PAK5: variants seen among roughly 807,000 people sequenced by gnomAD.
The protein encoded by PAK5 is serine/threonine-protein kinase PAK 5.
Under a neutral mutation model 65.9 loss-of-function variants are expected in PAK5, and 16 were observed. That is an observed-to-expected ratio of 0.24 (90% CI 0.16 to 0.37). The LOEUF is 0.37. Ranked by LOEUF, PAK5 falls within the 10% of genes least tolerant of loss-of-function variation. The pLI is 1.00. For synonymous variants in PAK5, 371 were observed against 354.9 expected (o/e 1.05, Z -0.51); for missense variants, 785 against 903.9 (o/e 0.87, Z 1.69).
intron 2 of PAK5, among the ~76,000 whole-genome samples, chr20:9,710,304 C>G (rs2048062518): frequency 6.6e-6 from 1 of 152,038 alleles, no homozygotes; most frequent in Admixed American, 6.6e-5. Context: ...AGATTTTGGG[C>G]AGAATTTTCT....
Position 9,539,223 on chromosome 20 carries a change from A to C in PAK5, c.*239T>G. On this transcript the variant is annotated 3_prime_UTR_variant, in exon 10 of 10. Transcript: ENST00000353224. ...GATTTGCTGGATGAAGGGCTGAAAA[A>C]TATAATAATGACTTATTAAAGCCGT... 4.7e-6 allele frequency: 2 copies of C among 422,580 alleles called. No individual in the cohort carries two copies. The highest frequency in any genetic ancestry group is 8.7e-6 in the Non-Finnish European group (2 of 231,124). 26.2% of individuals were successfully genotyped at this position (422,580 alleles called of 1,614,324 possible).
At chr20:9,831,940 A>G (rs1978750570) in intron 1 of PAK5, among the ~76,000 whole-genome samples, 4 of 152,206 alleles carry the variant, frequency 2.6e-5, no homozygotes, top group Admixed American at 6.6e-5. Context: ...TTCATTTCAC[A>G]AAACACATAT....
chr20:9,814,185 T>C (rs1355628740), intron 1 of PAK5, among the ~76,000 whole-genome samples: 1 of 152,086 alleles, frequency 6.6e-6, no homozygotes, highest in Non-Finnish European at 1.5e-5. Flanking sequence ...AGGACTATGT[T>C]AGAAAAGGGT....
Position 9,579,596 on chromosome 20 carries a change from T to C in PAK5, c.990+549A>G, listed in dbSNP as rs2045943183. Among the ~76,000 whole-genome samples the C allele has an allele frequency of 2.0e-5, 3 of 152,336 alleles. No homozygotes were observed. The South Asian group carries it at 6.2e-4, about 32-fold the overall frequency. ...AACCATCTGTCACCCCCAAATTTCATATAAAAACCAATATTTCAAATCAAA... is the reference window on the plus strand; with the variant it reads ...AACCATCTGTCACCCCCAAATTTCACATAAAAACCAATATTTCAAATCAAA... On this transcript the variant is annotated intron_variant, in intron 4 of 9. Transcript: ENST00000353224.
At chr20:9,789,415 C>A (rs1462858792) in intron 1 of PAK5, among the ~76,000 whole-genome samples, 4 of 152,098 alleles carry the variant, frequency 2.6e-5, no homozygotes, top group Admixed American at 2.6e-4. Context: ...TTCAAGGTGT[C>A]AGCATTTATA....
At chr20:9,822,809 T>C (rs1377460149) in intron 1 of PAK5, among the ~76,000 whole-genome samples, 2 of 152,216 alleles carry the variant, frequency 1.3e-5, no homozygotes, top group Non-Finnish European at 2.9e-5. Flanking sequence ...ACAGAGAAAC[T>C]AACATTCTCT....
chr20:9,642,365 G>C (rs921306191), intron 3 of PAK5, among the ~76,000 whole-genome samples: 2 of 152,160 alleles, frequency 1.3e-5, no homozygotes, highest in African/African-American at 4.8e-5. Flanking sequence ...GTGTGAGAAT[G>C]TTTCTTTAAG....
At chr20:9,803,833 A>G (rs2049200020) in intron 1 of PAK5, among the ~76,000 whole-genome samples, 1 of 152,180 alleles carries the variant, frequency 6.6e-6, no homozygotes, top group Non-Finnish European at 1.5e-5. Context: ...CAGAAATAAA[A>G]TCCTAAAGCC....
intron 2 of PAK5, among the ~76,000 whole-genome samples, chr20:9,678,290 A>C (rs1206373467): frequency 6.6e-6 from 1 of 152,208 alleles, no homozygotes; most frequent in Non-Finnish European, 1.5e-5. Flanking sequence ...ACCCGAGGCC[A>C]GGCATGGTGG....
chr20:9,766,092 C>A (rs62192889), intron 1 of PAK5, among the ~76,000 whole-genome samples: 2 of 151,222 alleles, frequency 1.3e-5, no homozygotes, highest in African/African-American at 4.9e-5. Context: ...TGTGGTGGTG[C>A]GAGCACGTAG....
chr20:9,729,673 T>A (rs919005011), intron 1 of PAK5, among the ~76,000 whole-genome samples: 1 of 152,054 alleles, frequency 6.6e-6, no homozygotes, highest in Non-Finnish European at 1.5e-5. Context: ...ATGGCTGGAG[T>A]TTCAGCAGTC....
intron 4 of PAK5, among the ~76,000 whole-genome samples, chr20:9,567,966 G>A (rs1247523138): frequency 6.6e-6 from 1 of 152,172 alleles, no homozygotes; most frequent in Non-Finnish European, 1.5e-5. Flanking sequence ...TAGGAGGGGT[G>A]GTTTGGGCAG....
intron 2 of PAK5, among the ~76,000 whole-genome samples, chr20:9,705,290 A>G (rs1600265659): frequency 6.6e-6 from 1 of 152,202 alleles, no homozygotes; most frequent in Admixed American, 6.5e-5. Flanking sequence ...TTCACAGAAC[A>G]GAACACACAA....
intron 1 of PAK5, among the ~76,000 whole-genome samples, chr20:9,737,847 T>A (rs1174654233): frequency 6.6e-6 from 1 of 152,128 alleles, no homozygotes; most frequent in Non-Finnish European, 1.5e-5. Context: ...TTAGTAAGAA[T>A]GTGGAGGAAC....
At chr20:9,781,973 T>TAGAA (rs2048945210) in intron 1 of PAK5, among the ~76,000 whole-genome samples, 1 of 152,182 alleles carries the variant, frequency 6.6e-6, no homozygotes, top group Admixed American at 6.6e-5. Context: ...TTCAACTTTC[T>TAGAA]GCTCAGAACT....
intron 2 of PAK5, among the ~76,000 whole-genome samples, chr20:9,649,065 A>G (rs2047171023): frequency 6.6e-6 from 1 of 152,210 alleles, no homozygotes; most frequent in Admixed American, 6.5e-5. Flanking sequence ...GGTATGTTTC[A>G]GTACAGAAAG....
chr20:9,554,356 C>T (rs2045475423), intron 7 of PAK5, among the ~76,000 whole-genome samples: 1 of 152,168 alleles, frequency 6.6e-6, no homozygotes, highest in Admixed American at 6.5e-5. Flanking sequence ...GACCCAGTTG[C>T]CATGCCATGA....
At chr20:9,701,064 A>C (rs73071950) in intron 2 of PAK5, among the ~76,000 whole-genome samples, 50,888 of 151,532 alleles carry the variant, frequency 0.34, 9,165 homozygotes, top group African/African-American at 0.48. Flanking sequence ...TCCCTCTTTA[A>C]AAAGTTCTCA....
At chr20:9,653,606 A>G (rs1259559246) in intron 2 of PAK5, among the ~76,000 whole-genome samples, 3 of 152,172 alleles carry the variant, frequency 2.0e-5, no homozygotes, top group Non-Finnish European at 4.4e-5. Context: ...ACATTCAATC[A>G]TCATCAATTC....
Sources: allele counts gnomAD v4.1 joint callset (sites outside exome capture counted in the v4.1 genomes callset), GRCh38; gene constraint gnomAD v4.1.1; transcripts MANE v1.5; gene names NCBI Gene and HGNC (gene_info 2026-07-23, HGNC 2026-07-21).